Variants in LIMA1 observed in about 807,000 individuals in gnomAD.
LIMA1 encodes the protein LIM domain and actin binding 1, also known as LIM domain and actin-binding protein 1.
Under a neutral mutation model 62.6 loss-of-function variants are expected in LIMA1, and 52 were observed. The ratio of observed to expected loss-of-function variants is 0.83; its 90% CI spans 0.67 to 1.05. LIMA1 has a LOEUF of 1.05. Among genes scored for constraint, LIMA1 ranks in the 50% least tolerant of loss-of-function variants. LIMA1 has a pLI of 0.00. For missense variants in LIMA1, 780 were observed against 902.2 expected (o/e 0.86, Z 1.74); for synonymous variants, 302 against 317.8 (o/e 0.95, Z 0.53).
intron 7 of LIMA1, among the ~76,000 whole-genome samples, chr12:50,200,054 C>T (rs1030571133): frequency 1.3e-4 from 20 of 151,856 alleles, no homozygotes; most frequent in African/African-American, 4.1e-4. Context: ...CCACCATGCC[C>T]GGCTAATTTT....
At chr12:50,261,510 T>TA (rs1349841089) in intron 1 of LIMA1, among the ~76,000 whole-genome samples, 1 of 152,174 alleles carries the variant, frequency 6.6e-6, no homozygotes, top group African/African-American at 2.4e-5. Context: ...AGGACACTGC[T>TA]ACCCTCTGTC....
intron 5 of LIMA1, 46 bp downstream of exon 5, chr12:50,205,938 T>C: frequency 2.1e-6 from 3 of 1,420,194 alleles, no homozygotes; most frequent in Non-Finnish European, 3.0e-6. Context: ...TTACTACTAG[T>C]GAGTACTTCC....
chr12:50,243,516 G>A (rs1941807201), intron 2 of LIMA1, among the ~76,000 whole-genome samples: 1 of 152,188 alleles, frequency 6.6e-6, no homozygotes, highest in African/African-American at 2.4e-5. Flanking sequence ...TCTTCTTTGG[G>A]AAGCTGCAGT....
intron 4 of LIMA1, chr12:50,217,698 G>C: frequency 3.7e-6 from 1 of 270,350 alleles, no homozygotes; most frequent in East Asian, 1.0e-4. Flanking sequence ...GCACCCGCAG[G>C]TCTACAGTGG....
chr12:50,193,248 A>G (rs1209911097), intron 8 of LIMA1, among the ~76,000 whole-genome samples: 1 of 151,864 alleles, frequency 6.6e-6, no homozygotes, highest in Non-Finnish European at 1.5e-5. Flanking sequence ...CATTTCTCAG[A>G]AACATTTCTA....
intron 1 of LIMA1, chr12:50,249,942 T>C (rs1010120842): frequency 3.9e-5 from 6 of 152,190 alleles, no homozygotes; most frequent in Non-Finnish European, 8.8e-5. Context: ...CCTTGACAAC[T>C]GTAGAACACA....
chr12:50,254,354 G>A (rs1301689398), intron 1 of LIMA1, among the ~76,000 whole-genome samples: 1 of 152,146 alleles, frequency 6.6e-6, no homozygotes, highest in East Asian at 1.9e-4. Context: ...GATACAAATG[G>A]CAGATTTTTT....
chr12:50,230,485 C>A (rs1941593744), intron 3 of LIMA1, among the ~76,000 whole-genome samples: 1 of 151,930 alleles, frequency 6.6e-6, no homozygotes, highest in African/African-American at 2.4e-5. Flanking sequence ...AAGAAAGGAG[C>A]AAGTTGGGGG....
chr12:50,226,833 A>T (rs1470064135), intron 3 of LIMA1, among the ~76,000 whole-genome samples: 3 of 148,808 alleles, frequency 2.0e-5, no homozygotes, highest in African/African-American at 7.6e-5. Context: ...GCAAGATTCC[A>T]TATGAAAAAA....
intron 9 of LIMA1, chr12:50,188,709 G>A (rs972121651): frequency 2.0e-5 from 3 of 152,230 alleles, no homozygotes; most frequent in Non-Finnish European, 2.9e-5. Context: ...AGTGAGGTGT[G>A]CCCTTTCACA....
At chr12:50,191,155 TC>T (rs1424853636) in intron 9 of LIMA1, among the ~76,000 whole-genome samples, 6 of 145,916 alleles carry the variant, frequency 4.1e-5, no homozygotes, top group Non-Finnish European at 7.5e-5. Flanking sequence ...AAGATCAAGC[TC>T]TGCAGATTAG....
At chr12:50,235,885 C>A (rs912050766) in intron 2 of LIMA1, among the ~76,000 whole-genome samples, 1 of 152,178 alleles carries the variant, frequency 6.6e-6, no homozygotes, top group Admixed American at 6.5e-5. Context: ...CTGTTCACGG[C>A]TGGGTGCGGT....
intron 1 of LIMA1, among the ~76,000 whole-genome samples, chr12:50,270,014 C>A (rs1342860927): frequency 6.9e-6 from 1 of 144,142 alleles, no homozygotes; most frequent in Non-Finnish European, 1.5e-5. Context: ...GTGGGCGGAT[C>A]ACCTGAGGTC....
At chr12:50,214,045 C>CACAA (rs1401465896) in intron 4 of LIMA1, among the ~76,000 whole-genome samples, 1 of 150,776 alleles carries the variant, frequency 6.6e-6, no homozygotes, top group Admixed American at 6.6e-5. Context: ...CACACACACA[C>CACAA]ACACACGAGA....
intron 1 of LIMA1, among the ~76,000 whole-genome samples, chr12:50,271,229 C>T (rs1024261590): frequency 3.3e-5 from 5 of 152,222 alleles, no homozygotes; most frequent in African/African-American, 1.2e-4. Context: ...CGTGACTATG[C>T]CACTGCACTC....
chr12:50,266,254 T>A (rs1942137368), intron 1 of LIMA1, among the ~76,000 whole-genome samples: 1 of 152,194 alleles, frequency 6.6e-6, no homozygotes, highest in South Asian at 2.1e-4. Context: ...ACATATGTTA[T>A]CTCAGTTTAC....
At chr12:50,272,894 CA>C (rs1456687256) in intron 1 of LIMA1, among the ~76,000 whole-genome samples, 1 of 150,288 alleles carries the variant, frequency 6.7e-6, no homozygotes, top group Non-Finnish European at 1.5e-5. Flanking sequence ...AAAAAAAATA[CA>C]AAAAATTAGC....
intron 2 of LIMA1, among the ~76,000 whole-genome samples, chr12:50,239,445 C>T (rs1234824343): frequency 6.6e-6 from 1 of 152,014 alleles, no homozygotes; most frequent in Non-Finnish European, 1.5e-5. Flanking sequence ...TAAGACTGGC[C>T]TGGGCAACAT....
intron 2 of LIMA1, among the ~76,000 whole-genome samples, chr12:50,236,354 G>T (rs1405331822): frequency 6.9e-6 from 1 of 145,262 alleles, no homozygotes; most frequent in African/African-American, 2.6e-5. Flanking sequence ...CTGGAGTGCA[G>T]TGGCGTGATC....
Sources: allele counts gnomAD v4.1 joint callset (sites outside exome capture counted in the v4.1 genomes callset), GRCh38; gene constraint gnomAD v4.1.1; transcripts MANE v1.5; gene names NCBI Gene and HGNC (gene_info 2026-07-23, HGNC 2026-07-21).